Variants in CYTH2 observed in about 807,000 individuals in gnomAD.
The protein encoded by CYTH2 is cytohesin 2, also known as cytohesin-2.
CYTH2 carries 24 observed loss-of-function variants against 55.4 expected under a neutral mutation model. That is an observed-to-expected ratio of 0.43 (90% CI 0.31 to 0.61). The LOEUF (loss-of-function observed/expected upper bound fraction) is 0.61, where lower values mean the gene tolerates loss of function less well. CYTH2 is among the 20% of genes least tolerant of loss of function. The pLI, the probability that CYTH2 is intolerant of heterozygous loss-of-function variation, is 0.08. For synonymous variants in CYTH2, 221 were observed against 209.6 expected (o/e 1.05, Z -0.47); for missense variants, 378 against 533.5 (o/e 0.71, Z 2.87).
At position 48,479,238 on chromosome 19, in the gene CYTH2, T is replaced by G. The variant is rs1227941290; in HGVS notation, c.*28T>G. On this transcript the variant is annotated 3_prime_UTR_variant, in exon 12 of 12. Transcript: ENST00000452733. Reference sequence around the variant, plus strand: ...CCCTGCCCCCAACTCCATTATTTATTACGGAGCTGCCCCGCCTGGGTGGCC... The same window carrying G: ...CCCTGCCCCCAACTCCATTATTTATGACGGAGCTGCCCCGCCTGGGTGGCC... 1.2e-6 allele frequency: 2 copies of G among 1,612,184 alleles called. No homozygotes were observed. The highest frequency in any genetic ancestry group is 1.7e-6 in the Non-Finnish European group (2 of 1,178,412).
intron 3 of CYTH2, 91 bp from the exon 4 acceptor site, chr19:48,472,234 G>A: frequency 4.5e-6 from 5 of 1,112,864 alleles, no homozygotes; most frequent in Non-Finnish European, 6.8e-6. Flanking sequence ...TCTGTTGAGG[G>A]TGGGGGTAGG....
In CYTH2 at chr19:48,469,431, C is replaced by G. The variant is rs868169177; in HGVS notation, c.-77C>G. On this transcript the variant is annotated 5_prime_UTR_variant, in exon 1 of 12. Transcript: ENST00000452733. The stretch of plus-strand genomic sequence containing the variant: ...CCCGGGGCGTTTGAGCGGGCTCACC[C>G]GAGCCCGCGGGCCAACGCGGATCCA... 92 of 1,303,194 alleles carry G rather than the reference C, an allele frequency of 7.1e-5. No individual in the cohort carries two copies. The African/African-American group carries it at 7.9e-4, about 11-fold the overall frequency. The allele number at this position is 1,303,194 out of a possible 1,614,324, so 80.7% of individuals were successfully genotyped here.
At chr19:48,475,780 T>G in intron 8 of CYTH2, 1 of 218,778 alleles carries the variant, frequency 4.6e-6, no homozygotes, top group South Asian at 4.5e-5. Flanking sequence ...TCGTTTAAGC[T>G]CCTCGGGTGC....
chr19:48,478,167 C>A, intron 9 of CYTH2, 22 bp downstream of exon 9: 1 of 1,613,330 alleles, frequency 6.2e-7, no homozygotes, highest in Non-Finnish European at 8.5e-7. Context: ...CCGACCCGGG[C>A]TCTGGGGTCC....
chr19:48,475,725 A>G (rs953008042), intron 8 of CYTH2: 7 of 185,826 alleles, frequency 3.8e-5, no homozygotes, highest in Non-Finnish European at 5.8e-5. Context: ...GCTGGGCCAT[A>G]GACTCCTGAA....
intron 5 of CYTH2, 160 bp from the exon 6 acceptor site, chr19:48,473,745 A>C: frequency 7.9e-6 from 5 of 632,718 alleles, no homozygotes; most frequent in Non-Finnish European, 1.1e-5. Flanking sequence ...TCCCGTGGCC[A>C]ATGCCCATTG....
chr19:48,472,537 C>T (rs1971824642), intron 4 of CYTH2, 94 bp downstream of exon 4: 3 of 999,076 alleles, frequency 3.0e-6, no homozygotes, highest in Non-Finnish European at 3.1e-6. Context: ...GTGGAACAGC[C>T]CTGCAGCCTC....
rs1462259400 is a variant in CYTH2 at position 48,480,869 on chromosome 19, A to T, written c.*1659A>T. 1 of 152,186 alleles carries T rather than the reference A, an allele frequency of 6.6e-6. No homozygotes were observed. Among genetic ancestry groups the T allele is most frequent in the African/African-American group, 2.4e-5 (1 of 41,452 alleles). The allele number at this position is 152,186 out of a possible 1,614,324, so 9.4% of individuals were successfully genotyped here. On this transcript the variant is annotated 3_prime_UTR_variant, in exon 12 of 12. Coordinates refer to ENST00000452733, the MANE Select transcript of CYTH2 (RefSeq NM_004228.7). Reference sequence around the variant, plus strand: ...CCGCCTCCCCGGATGAACTGCATGCAGGGCGGCCGGCTCCGTGGCAGGCAG... The same window carrying T: ...CCGCCTCCCCGGATGAACTGCATGCTGGGCGGCCGGCTCCGTGGCAGGCAG...
At chr19:48,476,391 C>T (rs915313143) in intron 8 of CYTH2, 30 of 173,202 alleles carry the variant, frequency 1.7e-4, no homozygotes, top group Non-Finnish European at 3.0e-4. Context: ...GGCAACAGAG[C>T]GAGACCCCGT....
Position 48,479,112 on chromosome 19 carries a change from C to T in CYTH2, c.1113-11C>T. The stretch of plus-strand genomic sequence containing the variant: ...CTTGGCCCTCATCCTGGGACCCCTC[C>T]CCTTCTGCAGGGCGGCTGTGAGTGT... On this transcript the variant is annotated splice_polypyrimidine_tract_variant and intron_variant, in intron 11 of 11. Coordinates refer to ENST00000452733, the MANE Select transcript of CYTH2 (RefSeq NM_004228.7). 6 of 1,613,888 alleles carry T rather than the reference C, an allele frequency of 3.7e-6. No homozygotes were observed. Among genetic ancestry groups the T allele is most frequent in the Non-Finnish European group, 5.1e-6 (6 of 1,179,852 alleles).
At position 48,474,726 on chromosome 19, in the gene CYTH2, T is replaced by C. The variant is rs1971874765; in HGVS notation, c.697-112T>C. ...ACTTCCCTCTCCTCCCCACTACCCCTCTCTCTTCCCCACTATGAGTCATCC... is the reference window on the plus strand; with the variant it reads ...ACTTCCCTCTCCTCCCCACTACCCCCCTCTCTTCCCCACTATGAGTCATCC... On this transcript the variant is annotated intron_variant, in intron 7 of 11. Transcript: ENST00000452733. This position sits in a 1 kb window ranked among gnomAD's most constrained non-coding sequence, Gnocchi z 4.9. The C allele has an allele frequency of 1.1e-6, 1 of 871,366 alleles. No individual in the cohort carries two copies. Among genetic ancestry groups the C allele is most frequent in the Admixed American group, 2.3e-5 (1 of 43,654 alleles). 54.0% of individuals were successfully genotyped at this position (871,366 alleles called of 1,614,324 possible).
chr19:48,470,089 A>T, intron 1 of CYTH2: 1 of 673,536 alleles, frequency 1.5e-6, no homozygotes, highest in Non-Finnish European at 2.8e-6. Context: ...CTTCCCTCAG[A>T]TCTAAGAGCT....
Position 48,474,759 on chromosome 19 carries a change from G to A in CYTH2, c.697-79G>A. ...CCCCACTATGAGTCATCCCATCCCTGGTCTCGCTGCCCCCCACCCTGAGTA... is the reference window on the plus strand; with the variant it reads ...CCCCACTATGAGTCATCCCATCCCTAGTCTCGCTGCCCCCCACCCTGAGTA... On this transcript the variant is annotated intron_variant, in intron 7 of 11. Coordinates refer to ENST00000452733, the MANE Select transcript of CYTH2 (RefSeq NM_004228.7). This position sits in a 1 kb window ranked among gnomAD's most constrained non-coding sequence, Gnocchi z 4.9. 1.6e-6 allele frequency: 2 copies of A among 1,230,798 alleles called. No individual in the cohort carries two copies. Among genetic ancestry groups the A allele is most frequent in the Non-Finnish European group, 2.4e-6 (2 of 838,382 alleles). The allele number at this position is 1,230,798 out of a possible 1,614,324, so 76.2% of individuals were successfully genotyped here.
rs748076799 is a variant in CYTH2, at chr19:48,480,262, C to G, written c.*1052C>G. 1 of 152,226 alleles carries G rather than the reference C, an allele frequency of 6.6e-6. No homozygotes were observed. The highest frequency in any genetic ancestry group is 2.4e-5 in the African/African-American group (1 of 41,454). 9.4% of individuals were successfully genotyped at this position (152,226 alleles called of 1,614,324 possible). On this transcript the variant is annotated 3_prime_UTR_variant, in exon 12 of 12. Transcript: ENST00000452733. ...CACTCTCCCATGCCCGCCTTTGAAG[C>G]TGAGGCGCTCTTTAGTTAACAAACT...
intron 8 of CYTH2, chr19:48,475,295 C>G (rs1438156125): frequency 8.0e-6 from 2 of 248,934 alleles, no homozygotes; most frequent in Admixed American, 1.1e-4. Flanking sequence ...ACTGCGTTAA[C>G]CCAGCCCGAG....
rs1971859107 is a variant in CYTH2 at position 48,474,113 on chromosome 19, G to C, written c.548-69G>C. On this transcript the variant is annotated intron_variant, in intron 6 of 11. Coordinates refer to ENST00000452733, the MANE Select transcript of CYTH2 (RefSeq NM_004228.7). The surrounding 1 kb of genome is among the most constrained non-coding windows in gnomAD (Gnocchi z 4.9). ...AGGGGGCTGGGAGCTGGGAATCCTG[G>C]GTCCTGGGGAATGGGGGCACTGGGG... The C allele has an allele frequency of 4.5e-6, 7 of 1,547,792 alleles. No individual in the cohort carries two copies. Among genetic ancestry groups the C allele is most frequent in the South Asian group, 2.5e-5 (2 of 80,268 alleles).
intron 8 of CYTH2, 102 bp from the exon 9 acceptor site, chr19:48,477,967 C>A: frequency 1.1e-6 from 1 of 905,002 alleles, no homozygotes; most frequent in Non-Finnish European, 1.7e-6. Flanking sequence ...CCCCAGGAGC[C>A]CCACCTCTAC....
chr19:48,471,816 G>A (rs981017844), intron 3 of CYTH2, among the ~76,000 whole-genome samples: 5 of 152,198 alleles, frequency 3.3e-5, no homozygotes, highest in East Asian at 1.9e-4. Flanking sequence ...TTGAGAGGCC[G>A]AGGAGGGAGG....
In CYTH2 at chr19:48,474,021, C is replaced by T. The variant is rs774399359; in HGVS notation, c.547+4C>T. The T allele has an allele frequency of 2.9e-5, 46 of 1,600,930 alleles. No individual in the cohort carries two copies. Among genetic ancestry groups the T allele is most frequent in the Admixed American group, 1.0e-4 (6 of 57,486 alleles). ...CCTGGGGTTTTCCAGTCCACAGGTGCGGGCCCCAAATCCTGGGTCCTGGGA... is the reference window on the plus strand; with the variant it reads ...CCTGGGGTTTTCCAGTCCACAGGTGTGGGCCCCAAATCCTGGGTCCTGGGA... On this transcript the variant is annotated splice_donor_region_variant and intron_variant, in intron 6 of 11. Coordinates refer to ENST00000452733, the MANE Select transcript of CYTH2 (RefSeq NM_004228.7). The surrounding 1 kb of genome is among the most constrained non-coding windows in gnomAD (Gnocchi z 4.9).
Sources: allele counts gnomAD v4.1 joint callset (sites outside exome capture counted in the v4.1 genomes callset), GRCh38; gene constraint gnomAD v4.1.1; non-coding constraint Gnocchi (gnomAD v3.1); transcripts MANE v1.5; gene names NCBI Gene and HGNC (gene_info 2026-07-23, HGNC 2026-07-21).